DPP10: variants seen among roughly 807,000 people sequenced by gnomAD.
DPP10 encodes the protein dipeptidyl peptidase like 10.
DPP10 carries 33 observed loss-of-function variants against 120.9 expected under a neutral mutation model. That is an observed-to-expected ratio of 0.27 (90% confidence interval 0.21 to 0.37). DPP10 has a LOEUF of 0.37. DPP10 is among the 10% of genes least tolerant of loss of function. The pLI, the probability that DPP10 is intolerant of heterozygous loss-of-function variation, is 1.00. For synonymous variants in DPP10, 337 were observed against 326.1 expected, an observed-to-expected ratio of 1.03 and a Z score of -0.36; for missense variants, 816 against 942.8, an observed-to-expected ratio of 0.87 and a Z score of 1.76.
At chr2:115,788,042 A>G (rs1382729874) in intron 17 of DPP10, among the ~76,000 whole-genome samples, 1 of 152,184 alleles carries the variant, frequency 6.6e-6, no homozygotes, top group Non-Finnish European at 1.5e-5. Context: ...CAATAATAAA[A>G]GAAGTGAGAA....
At chr2:115,150,312 G>T (rs2104893318) in intron 1 of DPP10, among the ~76,000 whole-genome samples, 1 of 152,266 alleles carries the variant, frequency 6.6e-6, no homozygotes, top group South Asian at 2.1e-4. Context: ...ATCTCCAAAT[G>T]AAAATGTCCA....
chr2:114,472,584 T>C (rs564336234), intron 1 of DPP10, among the ~76,000 whole-genome samples: 3 of 152,152 alleles, frequency 2.0e-5, no homozygotes, highest in Admixed American at 6.6e-5. Flanking sequence ...CGATGCAGGC[T>C]GCGTCTCAGC....
chr2:115,286,532 T>TA, intron 1 of DPP10, among the ~76,000 whole-genome samples: 2 of 116,514 alleles, frequency 1.7e-5, no homozygotes, highest in Non-Finnish European at 3.7e-5. Flanking sequence ...ATATAATATA[T>TA]ATATATATAA....
chr2:114,855,053 A>G (rs969019196), intron 1 of DPP10, among the ~76,000 whole-genome samples: 5 of 152,184 alleles, frequency 3.3e-5, no homozygotes, highest in African/African-American at 1.2e-4. Flanking sequence ...TTGATGTACA[A>G]CAAACTCTTC....
intron 3 of DPP10, among the ~76,000 whole-genome samples, chr2:115,457,689 CGG>C (rs1458330255): frequency 1.3e-5 from 2 of 152,010 alleles, no homozygotes; most frequent in Non-Finnish European, 2.9e-5. Context: ...TGGCAAAATG[CGG>C]AGAGACTAGA....
intron 7 of DPP10, among the ~76,000 whole-genome samples, chr2:115,706,238 G>T (rs2092100280): frequency 6.6e-6 from 1 of 151,818 alleles, no homozygotes; most frequent in South Asian, 2.1e-4. Flanking sequence ...CTACACATCA[G>T]GTGAGCAATC....
intron 1 of DPP10, among the ~76,000 whole-genome samples, chr2:114,972,498 C>G (rs914517500): frequency 6.6e-6 from 1 of 152,128 alleles, no homozygotes; most frequent in African/African-American, 2.4e-5. Context: ...CCCTTATACA[C>G]AAAAAGACTT....
intron 1 of DPP10, among the ~76,000 whole-genome samples, chr2:115,143,767 T>C (rs75465691): frequency 0.016 from 2,476 of 152,258 alleles, 34 homozygotes; most frequent in African/African-American, 0.03. Context: ...AAGTACCACA[T>C]TGGAGAAATC....
intron 1 of DPP10, among the ~76,000 whole-genome samples, chr2:115,233,325 C>A (rs1480051187): frequency 6.6e-6 from 1 of 151,804 alleles, no homozygotes; most frequent in Non-Finnish European, 1.5e-5. Context: ...GAAAGAAAAC[C>A]GTCTGATTTC....
At chr2:115,017,974 C>A (rs1222387549) in intron 1 of DPP10, among the ~76,000 whole-genome samples, 3 of 151,164 alleles carry the variant, frequency 2.0e-5, no homozygotes, top group East Asian at 1.9e-4. Flanking sequence ...GCACGTTGCG[C>A]ACATGTACGC....
At chr2:115,452,463 T>C (rs1026907782) in intron 3 of DPP10, among the ~76,000 whole-genome samples, 9 of 151,978 alleles carry the variant, frequency 5.9e-5, no homozygotes, top group South Asian at 2.1e-4. Context: ...CTTAGGAGTG[T>C]CCTTGTGACT....
chr2:115,830,535 A>G (rs994216492), intron 21 of DPP10, among the ~76,000 whole-genome samples: 1 of 152,168 alleles, frequency 6.6e-6, no homozygotes, highest in African/African-American at 2.4e-5. Flanking sequence ...AGTGTTGGAA[A>G]TACAGTGGTC....
intron 8 of DPP10, among the ~76,000 whole-genome samples, chr2:115,738,435 G>A (rs1271688902): frequency 6.6e-6 from 1 of 152,034 alleles, no homozygotes; most frequent in Non-Finnish European, 1.5e-5. Context: ...GCAAGTAAGT[G>A]CTACAACACT....
chr2:115,504,553 A>G (rs1321082385), intron 4 of DPP10, among the ~76,000 whole-genome samples: 2 of 152,104 alleles, frequency 1.3e-5, no homozygotes, highest in Non-Finnish European at 2.9e-5. Context: ...TTATTTAAAA[A>G]TGATTATTTA....
intron 1 of DPP10, among the ~76,000 whole-genome samples, chr2:114,812,858 A>G (rs1685301793): frequency 6.6e-6 from 1 of 152,204 alleles, no homozygotes. Flanking sequence ...TTTTGGGGTT[A>G]CATAGGCCAG....
At chr2:115,333,375 C>A (rs1477075756) in intron 2 of DPP10, among the ~76,000 whole-genome samples, 2 of 152,104 alleles carry the variant, frequency 1.3e-5, no homozygotes, top group South Asian at 4.1e-4. Flanking sequence ...GTCTCTTTAT[C>A]CAATTTGCCA....
intron 1 of DPP10, among the ~76,000 whole-genome samples, chr2:115,196,507 G>GC (rs1262909467): frequency 3.9e-5 from 6 of 152,058 alleles, no homozygotes; most frequent in African/African-American, 1.4e-4. Context: ...AATTAGTATT[G>GC]CAGAGCTTCC....
chr2:115,365,768 T>A (rs530457904), intron 3 of DPP10, among the ~76,000 whole-genome samples: 2 of 152,150 alleles, frequency 1.3e-5, no homozygotes, highest in African/African-American at 4.8e-5. Context: ...TTAATTTTAT[T>A]TGAGCTAAAT....
At chr2:115,164,569 T>G (rs1201172889) in intron 1 of DPP10, among the ~76,000 whole-genome samples, 1 of 152,210 alleles carries the variant, frequency 6.6e-6, no homozygotes, top group Non-Finnish European at 1.5e-5. Flanking sequence ...TTTAAGCTAT[T>G]GCATGTTTCC....
Sources: gnomAD v4.1 joint callset for allele counts (sites outside exome capture counted in the v4.1 genomes callset) on GRCh38, gnomAD v4.1.1 for gene constraint, MANE v1.5 for transcripts, NCBI Gene and HGNC (gene_info 2026-07-23, HGNC 2026-07-21) for gene names.